MTHFD2L: variants seen among roughly 807,000 people sequenced by gnomAD.
The protein encoded by MTHFD2L is methylenetetrahydrofolate dehydrogenase (NADP+ dependent) 2 like, also known as bifunctional methylenetetrahydrofolate dehydrogenase/cyclohydrolase 2, mitochondrial.
MTHFD2L carries 29 observed loss-of-function variants against 34.9 expected under a neutral mutation model. The ratio of observed to expected loss-of-function variants is 0.83; its 90% CI spans 0.62 to 1.13. The LOEUF (loss-of-function observed/expected upper bound fraction) is 1.13, where lower values mean the gene tolerates loss of function less well. Ranked by LOEUF, MTHFD2L falls within the 50% of genes most tolerant of loss-of-function variation. The pLI is 0.00. For missense variants in MTHFD2L, 481 were observed against 446.5 expected (o/e 1.08, Z -0.70); for synonymous variants, 167 against 155.7 (o/e 1.07, Z -0.54).
At chr4:74,191,129 A>G (rs1248953837) in intron 3 of MTHFD2L, among the ~76,000 whole-genome samples, 1 of 151,976 alleles carries the variant, frequency 6.6e-6, no homozygotes, top group African/African-American at 2.4e-5. Context: ...TCAAACTTCT[A>G]ACCCCAGGTG....
intron 7 of MTHFD2L, among the ~76,000 whole-genome samples, chr4:74,290,422 G>C (rs185049276): frequency 3.9e-5 from 6 of 152,200 alleles, no homozygotes; most frequent in Admixed American, 3.9e-4. Context: ...CTATGCTTTG[G>C]AGTCAAGCTA....
At chr4:74,197,510 A>T (rs1733691539) in intron 3 of MTHFD2L, among the ~76,000 whole-genome samples, 1 of 152,094 alleles carries the variant, frequency 6.6e-6, no homozygotes, top group African/African-American at 2.4e-5. Context: ...GATATTTTAG[A>T]GTTATCAAAT....
intron 1 of MTHFD2L, among the ~76,000 whole-genome samples, chr4:74,143,816 A>T (rs556725213): frequency 6.6e-6 from 1 of 152,316 alleles, no homozygotes; most frequent in East Asian, 1.9e-4. Context: ...ATAACTTATG[A>T]GAAGAAAGAG....
chr4:74,222,982 G>T (rs1738475210), intron 5 of MTHFD2L, among the ~76,000 whole-genome samples: 3 of 152,026 alleles, frequency 2.0e-5, no homozygotes, highest in Admixed American at 2.0e-4. Flanking sequence ...TACATCATTG[G>T]TGGGAGTGTA....
chr4:74,264,001 A>G (rs967551884), intron 6 of MTHFD2L, among the ~76,000 whole-genome samples: 4 of 152,118 alleles, frequency 2.6e-5, no homozygotes, highest in South Asian at 2.1e-4. Flanking sequence ...GACAAGATCT[A>G]TCATCCATTC....
chr4:74,242,938 A>G (rs911741009), intron 6 of MTHFD2L, among the ~76,000 whole-genome samples: 2 of 152,234 alleles, frequency 1.3e-5, no homozygotes, highest in African/African-American at 4.8e-5. Context: ...ACTCTCTCCT[A>G]ATGTATAACA....
chr4:74,154,731 G>A (rs935421727), upstream of MTHFD2L, among the ~76,000 whole-genome samples: 1 of 151,998 alleles, frequency 6.6e-6, no homozygotes, highest in Non-Finnish European at 1.5e-5. Flanking sequence ...AAGGAGTCCT[G>A]GTTCCTGTTA....
intron 4 of MTHFD2L, 113 bp from the exon 5 acceptor site, chr4:74,201,150 A>T: frequency 1.5e-6 from 1 of 686,954 alleles, no homozygotes; most frequent in Non-Finnish European, 2.4e-6. Flanking sequence ...TAAGCCACAT[A>T]ATAATTCAGA....
At chr4:74,141,238 A>G (rs1723258390) in intron 1 of MTHFD2L, among the ~76,000 whole-genome samples, 1 of 152,168 alleles carries the variant, frequency 6.6e-6, no homozygotes, top group Non-Finnish European at 1.5e-5. Context: ...AATCGAGATA[A>G]TTGGCTTAAG....
intron 3 of MTHFD2L, among the ~76,000 whole-genome samples, chr4:74,190,737 G>T (rs1578410174): frequency 6.6e-6 from 1 of 152,064 alleles, no homozygotes; most frequent in East Asian, 1.9e-4. Flanking sequence ...ATATTTATTG[G>T]CTTGAGAACA....
chr4:74,167,258 C>T (rs1004020853), intron 1 of MTHFD2L, among the ~76,000 whole-genome samples: 2 of 152,166 alleles, frequency 1.3e-5, no homozygotes, highest in African/African-American at 4.8e-5. Context: ...GCCGGATGGC[C>T]CATCAAGAAT....
intron 3 of MTHFD2L, among the ~76,000 whole-genome samples, chr4:74,185,174 AAAAAAT>A (rs1188979441): frequency 3.3e-5 from 5 of 150,860 alleles, no homozygotes; most frequent in African/African-American, 1.2e-4. Context: ...AAAAAAAAAA[AAAAAAT>A]CTGGAAAATC....
intron 6 of MTHFD2L, 45 bp from the exon 7 acceptor site, chr4:74,281,380 A>G: frequency 1.9e-6 from 3 of 1,594,944 alleles, no homozygotes; most frequent in Non-Finnish European, 2.6e-6. Context: ...ACAGATATGT[A>G]CACCTTTGTT....
At chr4:74,195,157 G>C (rs927981025) in intron 3 of MTHFD2L, 1 of 152,224 alleles carries the variant, frequency 6.6e-6, no homozygotes, top group Non-Finnish European at 1.5e-5. Flanking sequence ...GGACCAGCTT[G>C]ATGCTCACAG....
At chr4:74,257,041 T>TC (rs1744112971) in intron 6 of MTHFD2L, among the ~76,000 whole-genome samples, 1 of 152,192 alleles carries the variant, frequency 6.6e-6, no homozygotes, top group African/African-American at 2.4e-5. Context: ...ATCTGTAGAT[T>TC]GTTTTAGGCA....
Position 74,281,568 on chromosome 4 carries a change from T to G in MTHFD2L, c.931+18T>G. Reference sequence around the variant, plus strand: ...CTTCGAAGGTAATAAACCAATATCTTTTGATAGGTGAAGAAGATAAAAAAA... The same window carrying G: ...CTTCGAAGGTAATAAACCAATATCTGTTGATAGGTGAAGAAGATAAAAAAA... On this transcript the variant is annotated intron_variant, in intron 7 of 7. Coordinates refer to ENST00000325278, the MANE Select transcript of MTHFD2L (RefSeq NM_001144978.3). 1.2e-6 allele frequency: 2 copies of G among 1,601,240 alleles called. No individual in the cohort carries two copies. The highest frequency in any genetic ancestry group is 1.7e-6 in the Non-Finnish European group (2 of 1,175,160).
At chr4:74,159,046 C>T (rs915006613) in intron 1 of MTHFD2L, among the ~76,000 whole-genome samples, 2 of 152,152 alleles carry the variant, frequency 1.3e-5, no homozygotes, top group African/African-American at 4.8e-5. Context: ...CATTTTACGT[C>T]CAAAATTGTG....
At chr4:74,146,906 C>G (rs1410821573) in intron 1 of MTHFD2L, among the ~76,000 whole-genome samples, 1 of 151,780 alleles carries the variant, frequency 6.6e-6, no homozygotes, top group African/African-American at 2.4e-5. Flanking sequence ...ATTATTTCTT[C>G]TGCTTGACCT....
chr4:74,186,452 A>AAC (rs1342159542), intron 3 of MTHFD2L, among the ~76,000 whole-genome samples: 2 of 150,934 alleles, frequency 1.3e-5, no homozygotes, highest in Non-Finnish European at 3.0e-5. Flanking sequence ...AAAAAAAAAA[A>AAC]AAAAAAACAG....
Sources: allele counts gnomAD v4.1 joint callset (sites outside exome capture counted in the v4.1 genomes callset), GRCh38; gene constraint gnomAD v4.1.1; transcripts MANE v1.5; gene names NCBI Gene and HGNC (gene_info 2026-07-23, HGNC 2026-07-21).